PTPRG: variants seen among roughly 807,000 people sequenced by gnomAD.
PTPRG encodes the protein receptor-type tyrosine-protein phosphatase gamma.
A neutral mutation model predicts 165.3 loss-of-function variants in PTPRG; 102 were observed. That is an observed-to-expected ratio of 0.62 (90% CI 0.53 to 0.73). The LOEUF is 0.73. Among genes scored for constraint, PTPRG ranks in the 30% least tolerant of loss-of-function variants. The probability of loss-of-function intolerance (pLI) is 0.00; values close to 1 mark genes in which losing one functional copy is unlikely to be tolerated. For synonymous variants in PTPRG, 675 were observed against 669.5 expected (o/e 1.01, Z -0.13); for missense variants, 1,866 against 1,861.4 (o/e 1.00, Z -0.05).
At chr3:61,794,283 A>G (rs1006163268) in intron 2 of PTPRG, among the ~76,000 whole-genome samples, 3 of 152,120 alleles carry the variant, frequency 2.0e-5, no homozygotes, top group South Asian at 2.1e-4. Flanking sequence ...TAGAATTACT[A>G]TTATTTAAAA....
At chr3:62,069,652 TC>T (rs1701136659) in intron 4 of PTPRG, among the ~76,000 whole-genome samples, 1 of 114,536 alleles carries the variant, frequency 8.7e-6, no homozygotes, top group African/African-American at 4.1e-5. Flanking sequence ...TCTCTCTCTC[TC>T]TCTCTCTCTC....
intron 1 of PTPRG, among the ~76,000 whole-genome samples, chr3:61,572,525 GAA>G (rs1411882395): frequency 6.6e-6 from 1 of 152,074 alleles, no homozygotes; most frequent in Non-Finnish European, 1.5e-5. Context: ...GCATTTAAAA[GAA>G]AAAATAAATT....
intron 2 of PTPRG, among the ~76,000 whole-genome samples, chr3:61,766,616 A>ATT (rs2034024076): frequency 1.4e-5 from 2 of 148,140 alleles, no homozygotes; most frequent in African/African-American, 5.0e-5. Context: ...TGTTAAAAAA[A>ATT]ATTTTTTTTT....
chr3:61,897,774 C>T (rs560002117), intron 2 of PTPRG, among the ~76,000 whole-genome samples: 4 of 152,272 alleles, frequency 2.6e-5, no homozygotes, highest in African/African-American at 9.6e-5. Flanking sequence ...TTTTAGCATA[C>T]AGATACTGTA....
At chr3:61,737,493 G>A (rs2032762766) in intron 1 of PTPRG, among the ~76,000 whole-genome samples, 1 of 152,152 alleles carries the variant, frequency 6.6e-6, no homozygotes, top group African/African-American at 2.4e-5. Flanking sequence ...GATGGTGGGT[G>A]TTGGAGGTGG....
At chr3:61,827,252 A>G (rs1056483046) in intron 2 of PTPRG, among the ~76,000 whole-genome samples, 11 of 152,202 alleles carry the variant, frequency 7.2e-5, no homozygotes, top group African/African-American at 2.7e-4. Flanking sequence ...GTAAGATTCT[A>G]TTTGGAGGAC....
intron 3 of PTPRG, among the ~76,000 whole-genome samples, chr3:61,990,388 A>C (rs1322773087): frequency 6.6e-6 from 1 of 152,204 alleles, no homozygotes; most frequent in African/African-American, 2.4e-5. Context: ...ATTACTTCCG[A>C]GTACAGATGA....
intron 2 of PTPRG, among the ~76,000 whole-genome samples, chr3:61,904,922 G>C (rs1322858967): frequency 7.1e-6 from 1 of 140,614 alleles, no homozygotes; most frequent in Non-Finnish European, 1.5e-5. Flanking sequence ...TTTTTTTTTT[G>C]ATGCTCAAAA....
At chr3:61,647,412 C>G (rs900900581) in intron 1 of PTPRG, among the ~76,000 whole-genome samples, 34 of 152,192 alleles carry the variant, frequency 2.2e-4, no homozygotes, top group African/African-American at 8.0e-4. Context: ...CATTGTTTCT[C>G]TAAAGAAGGA....
intron 1 of PTPRG, among the ~76,000 whole-genome samples, chr3:61,613,297 T>A (rs948876595): frequency 6.6e-6 from 1 of 152,194 alleles, no homozygotes; most frequent in African/African-American, 2.4e-5. Context: ...CAGAGACATT[T>A]TGGAAGCTTT....
rs1452836302 is a variant in PTPRG at position 62,210,110 on chromosome 3, G to T, written c.2155+6160G>T. ...GAGATGACAGACCATCATTTTGATT[G>T]TTTGAGTCTGGTGAATTAAGCTCTG... On this transcript the variant is annotated intron_variant, in intron 12 of 29. Coordinates refer to ENST00000474889, the MANE Select transcript of PTPRG (RefSeq NM_002841.4). The surrounding 1 kb of genome is among the most constrained non-coding windows in gnomAD (Gnocchi z 4.1). Among the ~76,000 whole-genome samples, 2 of 152,148 alleles carry T rather than the reference G, an allele frequency of 1.3e-5. No individual in the cohort carries two copies. The highest frequency in any genetic ancestry group is 2.9e-5 in the Non-Finnish European group (2 of 68,020).
At chr3:61,880,103 C>T (rs2037843731) in intron 2 of PTPRG, among the ~76,000 whole-genome samples, 1 of 152,220 alleles carries the variant, frequency 6.6e-6, no homozygotes, top group Admixed American at 6.5e-5. Context: ...TACAATGTCA[C>T]ATCTGGCAGG....
intron 6 of PTPRG, among the ~76,000 whole-genome samples, chr3:62,141,365 C>T (rs1194593042): frequency 2.2e-5 from 3 of 137,600 alleles, no homozygotes; most frequent in South Asian, 2.3e-4. Flanking sequence ...ACTTTGGAGC[C>T]GAGGCAGGTA....
intron 5 of PTPRG, among the ~76,000 whole-genome samples, chr3:62,098,927 A>C (rs1702200963): frequency 6.6e-6 from 1 of 152,202 alleles, no homozygotes; most frequent in South Asian, 2.1e-4. Flanking sequence ...AGGGGTGTGA[A>C]GTGTAGGATG....
Position 61,916,515 on chromosome 3 carries a change from A to C in PTPRG, c.191-73110A>C, listed in dbSNP as rs906968956. ...TGCTGAGAAAAAAAATCTCACTGTC[A>C]AATTAGGCACCTTTCTGTGTGTGCT... On this transcript the variant is annotated intron_variant, in intron 2 of 29. Transcript: ENST00000474889. 1.3e-4 allele frequency among the ~76,000 whole-genome samples: 20 copies of C among 152,216 alleles called. 1 individual carries two copies. Among genetic ancestry groups the C allele is most frequent in the Admixed American group, 1.3e-3 (20 of 15,282 alleles).
chr3:61,668,889 A>G (rs1475698387), intron 1 of PTPRG, among the ~76,000 whole-genome samples: 1 of 152,222 alleles, frequency 6.6e-6, no homozygotes, highest in African/African-American at 2.4e-5. Context: ...ATCTGAAATT[A>G]TGATGAGCCC....
chr3:62,272,125 C>T (rs557860783), intron 21 of PTPRG, among the ~76,000 whole-genome samples: 1 of 151,718 alleles, frequency 6.6e-6, no homozygotes, highest in South Asian at 2.1e-4. Flanking sequence ...ATTACAAAAT[C>T]CCCATTGTTT....
intron 1 of PTPRG, among the ~76,000 whole-genome samples, chr3:61,732,856 G>T (rs767476185): frequency 6.6e-6 from 1 of 152,164 alleles, no homozygotes; most frequent in Non-Finnish European, 1.5e-5. Flanking sequence ...ATATGCCTGC[G>T]TGGAACATTC....
intron 2 of PTPRG, among the ~76,000 whole-genome samples, chr3:61,802,592 G>A (rs370630592): frequency 6.6e-5 from 10 of 152,292 alleles, no homozygotes; most frequent in Admixed American, 5.2e-4. Context: ...TCTCATTGGA[G>A]CCTATTATCC....
Sources: allele counts gnomAD v4.1 joint callset (sites outside exome capture counted in the v4.1 genomes callset), GRCh38; gene constraint gnomAD v4.1.1; non-coding constraint Gnocchi (gnomAD v3.1); transcripts MANE v1.5; gene names NCBI Gene and HGNC (gene_info 2026-07-23, HGNC 2026-07-21).